The following CTNNA2 variants were observed in gnomAD, a reference collection of about 807,000 sequenced individuals.
CTNNA2 encodes catenin alpha 2.
A neutral mutation model predicts 101.0 loss-of-function variants in CTNNA2; 42 were observed. That is an observed-to-expected ratio of 0.42 (90% confidence interval 0.32 to 0.54). CTNNA2 has a LOEUF of 0.54. Ranked by LOEUF, CTNNA2 falls within the 20% of genes least tolerant of loss-of-function variation. The pLI, the probability that CTNNA2 is intolerant of heterozygous loss-of-function variation, is 0.14. For synonymous variants in CTNNA2, 450 were observed against 456.4 expected, an observed-to-expected ratio of 0.99 and a Z score of 0.18; for missense variants, 871 against 1,223.1, an observed-to-expected ratio of 0.71 and a Z score of 4.29.
chr2:79,403,176 T>C (rs961647251), intron 4 of CTNNA2, among the ~76,000 whole-genome samples: 1 of 151,828 alleles, frequency 6.6e-6, no homozygotes, highest in Non-Finnish European at 1.5e-5. Context: ...AATGTCTTCA[T>C]ACAAAGGAAA....
At chr2:79,635,922 T>G (rs1208593039) in intron 1 of CTNNA2, among the ~76,000 whole-genome samples, 1 of 151,670 alleles carries the variant, frequency 6.6e-6, no homozygotes, top group African/African-American at 2.4e-5. Flanking sequence ...AGTAACTCGT[T>G]GTATATAGGA....
chr2:80,547,911 C>A (rs1030798112), intron 11 of CTNNA2, among the ~76,000 whole-genome samples: 12 of 152,168 alleles, frequency 7.9e-5, no homozygotes, highest in African/African-American at 1.4e-4. Context: ...AGGCTGGTCT[C>A]AAACTCCGGA....
At chr2:79,930,294 GA>G (rs1687322563) in intron 7 of CTNNA2, among the ~76,000 whole-genome samples, 2 of 121,968 alleles carry the variant, frequency 1.6e-5, no homozygotes, top group African/African-American at 6.3e-5. Context: ...GAGAGAGAAA[GA>G]GAAAGAAAGA....
intron 9 of CTNNA2, among the ~76,000 whole-genome samples, chr2:80,483,650 A>G (rs910531649): frequency 6.6e-6 from 1 of 152,166 alleles, no homozygotes; most frequent in African/African-American, 2.4e-5. Flanking sequence ...AAGTCCATAT[A>G]TGAACTAAGG....
intron 7 of CTNNA2, among the ~76,000 whole-genome samples, chr2:79,915,821 G>A (rs1237679145): frequency 1.3e-5 from 2 of 152,108 alleles, no homozygotes; most frequent in Non-Finnish European, 2.9e-5. Context: ...TAAGTTGGCT[G>A]TATATTACTG....
At chr2:79,579,081 CTT>C (rs1675980687) in intron 1 of CTNNA2, among the ~76,000 whole-genome samples, 1 of 150,608 alleles carries the variant, frequency 6.6e-6, no homozygotes, top group Non-Finnish European at 1.5e-5. Flanking sequence ...TCTTCCTCCT[CTT>C]TCTTTCCTTC....
Position 80,215,506 on chromosome 2 carries a change from T to C in CTNNA2, c.1057-177705T>C, listed in dbSNP as rs1342604836. On this transcript the variant is annotated intron_variant, in intron 7 of 18. Coordinates refer to ENST00000402739, the MANE Select transcript of CTNNA2 (RefSeq NM_001282597.3). ...GTCAGGACCCTCAGCTGCAGGTCTG[T>C]TGGAGTTTGCTGGAGGTCGACTCCA... Among the ~76,000 whole-genome samples, 32 of 152,204 alleles carry C rather than the reference T, an allele frequency of 2.1e-4. 1 individual carries two copies. The highest frequency in any genetic ancestry group is 2.9e-5 in the Non-Finnish European group (2 of 68,028).
At chr2:80,219,037 C>G (rs572743098) in intron 7 of CTNNA2, among the ~76,000 whole-genome samples, 7 of 151,648 alleles carry the variant, frequency 4.6e-5, no homozygotes, top group Non-Finnish European at 1.0e-4. Flanking sequence ...ACTTGGATAT[C>G]GTGGCAATTA....
intron 3 of CTNNA2, among the ~76,000 whole-genome samples, chr2:79,850,622 A>T (rs1054249297): frequency 2.0e-5 from 3 of 152,170 alleles, no homozygotes; most frequent in African/African-American, 4.8e-5. Context: ...TTTTAAGAGG[A>T]TAGACCGCAG....
chr2:80,048,684 T>C lies in CTNNA2; in HGVS notation c.1056+138887T>C, dbSNP rs191626474. Among the ~76,000 whole-genome samples the C allele has an allele frequency of 2.0e-3, 312 of 152,256 alleles. 4 individuals carry two copies. Among genetic ancestry groups the C allele is most frequent in the African/African-American group, 7.0e-3 (289 of 41,560 alleles). ...GGAATCACACAATGCAAATTGACAT[T>C]GGGGATAAACTGGCGTATAAGTGAA... On this transcript the variant is annotated intron_variant, in intron 7 of 18. Transcript: ENST00000402739.
At chr2:80,007,046 G>A (rs17018429) in intron 7 of CTNNA2, among the ~76,000 whole-genome samples, 2 of 152,026 alleles carry the variant, frequency 1.3e-5, no homozygotes, top group Non-Finnish European at 2.9e-5. Context: ...TTCTCTAAAT[G>A]TGGATTTTCA....
chr2:80,302,044 G>C lies in CTNNA2; in HGVS notation c.1057-91167G>C, dbSNP rs1004090041. On this transcript the variant is annotated intron_variant, in intron 7 of 18. Transcript: ENST00000402739. The surrounding 1 kb of genome is among the most constrained non-coding windows in gnomAD (Gnocchi z 6.4). Reference sequence around the variant, plus strand: ...GATAGACTGTCCTGAAGGTTGTGGGGTGGGGTTTTTTGTTGTGTTTTAATT... The same window carrying C: ...GATAGACTGTCCTGAAGGTTGTGGGCTGGGGTTTTTTGTTGTGTTTTAATT... 2 of 601,116 alleles carry C rather than the reference G, an allele frequency of 3.3e-6. No individual in the cohort carries two copies. Among genetic ancestry groups the C allele is most frequent in the Non-Finnish European group, 5.6e-6 (2 of 358,140 alleles). 37.2% of individuals were successfully genotyped at this position (601,116 alleles called of 1,614,324 possible).
intron 9 of CTNNA2, among the ~76,000 whole-genome samples, chr2:80,543,515 C>G (rs1291640190): frequency 2.0e-5 from 3 of 152,202 alleles, no homozygotes; most frequent in East Asian, 3.9e-4. Context: ...AATGCATCCT[C>G]TTTCTCCCTT....
At chr2:79,345,665 T>A (rs1053562624) in intron 3 of CTNNA2, among the ~76,000 whole-genome samples, 59 of 151,660 alleles carry the variant, frequency 3.9e-4, no homozygotes, top group African/African-American at 1.3e-3. Context: ...AATTGTGGGG[T>A]TTTTTGTTTG....
intron 9 of CTNNA2, among the ~76,000 whole-genome samples, chr2:80,475,225 A>G (rs1204603121): frequency 6.6e-6 from 1 of 152,160 alleles, no homozygotes; most frequent in Non-Finnish European, 1.5e-5. Flanking sequence ...GTATCCCTCC[A>G]CTGGAAAGTG....
At chr2:79,911,169 C>G (rs1039714521) in intron 7 of CTNNA2, among the ~76,000 whole-genome samples, 1 of 152,142 alleles carries the variant, frequency 6.6e-6, no homozygotes, top group Non-Finnish European at 1.5e-5. Context: ...CCACAGTCTC[C>G]CAGCTGAGTG....
Position 79,926,311 on chromosome 2 carries a change from A to G in CTNNA2, c.1056+16514A>G, listed in dbSNP as rs545272665. 4.6e-5 allele frequency among the ~76,000 whole-genome samples: 7 copies of G among 152,272 alleles called. No homozygotes were observed. The South Asian group carries it at 1.4e-3, about 32-fold the overall frequency. ...ACTCTTGGCATGCATCATTTTCACC[A>G]TGTTCTTTAGAAAGTGTCAGGATTT... is the stretch of plus-strand genomic sequence containing the variant. On this transcript the variant is annotated intron_variant, in intron 7 of 18. Coordinates refer to ENST00000402739, the MANE Select transcript of CTNNA2 (RefSeq NM_001282597.3).
chr2:79,930,355 A>AGAAAGAAAGAACGAAC (rs1472407347), intron 7 of CTNNA2, among the ~76,000 whole-genome samples: 1 of 104,876 alleles, frequency 9.5e-6, no homozygotes. Flanking sequence ...AAAGAAAGAA[A>AGAAAGAAAGAACGAAC]GAATGAACAC....
chr2:79,657,848 T>C (rs1415242324), intron 2 of CTNNA2, among the ~76,000 whole-genome samples: 1 of 151,780 alleles, frequency 6.6e-6, no homozygotes, highest in Admixed American at 6.6e-5. Flanking sequence ...ACTAAAAAGA[T>C]ATTTAATAGA....
Sources: allele counts gnomAD v4.1 joint callset (sites outside exome capture counted in the v4.1 genomes callset), GRCh38; gene constraint gnomAD v4.1.1; non-coding constraint Gnocchi (gnomAD v3.1); transcripts MANE v1.5; gene names NCBI Gene and HGNC (gene_info 2026-07-23, HGNC 2026-07-21).